PNPLA1: variants seen among roughly 807,000 people sequenced by gnomAD.
PNPLA1 encodes the protein omega-hydroxyceramide transacylase.
PNPLA1 carries 36 observed loss-of-function variants against 51.7 expected under a neutral mutation model. The ratio of observed to expected loss-of-function variants is 0.70; its 90% confidence interval spans 0.53 to 0.92. The LOEUF (loss-of-function observed/expected upper bound fraction) is 0.92. Among genes scored for constraint, PNPLA1 ranks in the 40% least tolerant of loss-of-function variants. The pLI, the probability that PNPLA1 is intolerant of heterozygous loss-of-function variation, is 0.00. For missense variants in PNPLA1, 658 were observed against 682.5 expected, an observed-to-expected ratio of 0.96 and a Z score of 0.40; for synonymous variants, 293 against 280.1, an observed-to-expected ratio of 1.05 and a Z score of -0.46.
rs1370977968 is a variant in PNPLA1, at chr6:36,312,495, C to T, written c.*609C>T. Among the ~76,000 whole-genome samples, 1 of 152,120 alleles carries T rather than the reference C, an allele frequency of 6.6e-6. No homozygotes were observed. The highest frequency in any genetic ancestry group is 1.5e-5 in the Non-Finnish European group (1 of 68,018). On this transcript the variant is annotated 3_prime_UTR_variant, in exon 9 of 9. Coordinates refer to ENST00000636260, the MANE Select transcript of PNPLA1 (RefSeq NM_001374623.1). ...CTGAGGGTTGCCCAAGGTGTATGAA[C>T]CTGTAAGGGTGATCCCCGGTGGAAC...
At chr6:36,244,170 T>A (rs1402474270) in intron 1 of PNPLA1, among the ~76,000 whole-genome samples, 1 of 152,208 alleles carries the variant, frequency 6.6e-6, no homozygotes, top group Non-Finnish European at 1.5e-5. Context: ...CTCTCTTAGA[T>A]AATTGCATTT....
At chr6:36,291,999 T>C (rs186378978) in intron 2 of PNPLA1, among the ~76,000 whole-genome samples, 6 of 152,332 alleles carry the variant, frequency 3.9e-5, no homozygotes, top group African/African-American at 1.4e-4. Flanking sequence ...AGGGATTGAA[T>C]GGTTACCAAA....
At chr6:36,248,524 ATT>A (rs201638655) in intron 1 of PNPLA1, among the ~76,000 whole-genome samples, 4 of 141,862 alleles carry the variant, frequency 2.8e-5, no homozygotes, top group Admixed American at 7.0e-5. Context: ...ATAACTTCTC[ATT>A]TTTTTTTTTT....
intron 2 of PNPLA1, among the ~76,000 whole-genome samples, chr6:36,292,282 C>T (rs996373299): frequency 2.0e-5 from 3 of 152,084 alleles, no homozygotes; most frequent in African/African-American, 4.8e-5. Flanking sequence ...TGGGCACAGA[C>T]ACCACCTCCG....
rs1771424818 is a variant in PNPLA1 at position 36,312,312 on chromosome 6, A to C, written c.*426A>C. 2 of 152,328 alleles carry C rather than the reference A, an allele frequency of 1.3e-5. No homozygotes were observed. Among genetic ancestry groups the C allele is most frequent in the Admixed American group, 1.3e-4 (2 of 15,308 alleles). 9.4% of individuals were successfully genotyped at this position (152,328 alleles called of 1,614,324 possible). A position where few individuals can be genotyped will look rare whatever the true frequency, so the allele number is the denominator to read the frequency against. On this transcript the variant is annotated 3_prime_UTR_variant, in exon 9 of 9. Transcript: ENST00000636260. Reference sequence around the variant, plus strand: ...GTATCAGTTGAACTTTCATACATGGAATGATGTTTCAAACACCCTTTTATC... The same window carrying C: ...GTATCAGTTGAACTTTCATACATGGCATGATGTTTCAAACACCCTTTTATC...
At position 36,313,574 on chromosome 6, in the gene PNPLA1, G is replaced by A. The variant is rs940945168; in HGVS notation, c.*1688G>A. Among the ~76,000 whole-genome samples, 1 of 152,326 alleles carries A rather than the reference G, an allele frequency of 6.6e-6. No individual in the cohort carries two copies. The highest frequency in any genetic ancestry group is 2.4e-5 in the African/African-American group (1 of 41,570). ...ACACAGCCATTCCAGGGAACAAAATGTACTTTTGAGACCCTGAAAATGGTC... is the reference window on the plus strand; with the variant it reads ...ACACAGCCATTCCAGGGAACAAAATATACTTTTGAGACCCTGAAAATGGTC... On this transcript the variant is annotated 3_prime_UTR_variant, in exon 9 of 9. Coordinates refer to ENST00000636260, the MANE Select transcript of PNPLA1 (RefSeq NM_001374623.1).
chr6:36,300,176 T>TGAGAGAGAGAGAGAGAGAGA (rs1246025508), intron 5 of PNPLA1, among the ~76,000 whole-genome samples: 1 of 72,000 alleles, frequency 1.4e-5, no homozygotes, highest in Non-Finnish European at 3.4e-5. Flanking sequence ...TGTGTGTGTG[T>TGAGAGAGAGAGAGAGAGAGA]GTGAGAGAGA....
chr6:36,307,653 T>C lies in PNPLA1; in HGVS notation c.1536T>C (p.Ser512=). Residue 512 remains serine, a synonymous_variant, in exon 8 of 9, where the codon AGT becomes AGC. Coordinates refer to ENST00000636260, the MANE Select transcript of PNPLA1 (RefSeq NM_001374623.1). ...TCAAGAAGAACAAGCAAAAGACAAGTGGCACCAGAAAAGGCTTCCCAAGAC... is the reference window on the plus strand; with the variant it reads ...TCAAGAAGAACAAGCAAAAGACAAGCGGCACCAGAAAAGGCTTCCCAAGAC... ...KVFKKNKQKT[S]GTRKGFPRHS... 2 of 1,613,836 alleles carry C rather than the reference T, an allele frequency of 1.2e-6. No homozygotes were observed. Among genetic ancestry groups the C allele is most frequent in the Non-Finnish European group, 1.7e-6 (2 of 1,179,960 alleles).
Position 36,270,300 on chromosome 6 carries a change from G to T in PNPLA1, c.-160G>T, listed in dbSNP as rs1466457995. ...ACAGGCTGAGGCAGCTTCCTGAGCA[G>T]CCTGTGGTTGCTCCAGCCGGGTAGA... On this transcript the variant is annotated 5_prime_UTR_variant, in exon 1 of 9. Coordinates refer to ENST00000636260, the MANE Select transcript of PNPLA1 (RefSeq NM_001374623.1). 6.6e-6 allele frequency among the ~76,000 whole-genome samples: 1 copy of T among 152,258 alleles called. No individual in the cohort carries two copies. Among genetic ancestry groups the T allele is most frequent in the Non-Finnish European group, 1.5e-5 (1 of 68,042 alleles).
At position 36,313,846 on chromosome 6, in the gene PNPLA1, G is replaced by A. The variant is rs1014344140; in HGVS notation, c.*1960G>A. Among the ~76,000 whole-genome samples, 40 of 152,180 alleles carry A rather than the reference G, an allele frequency of 2.6e-4. No individual in the cohort carries two copies. The highest frequency in any genetic ancestry group is 8.0e-4 in the African/African-American group (33 of 41,438). Reference sequence around the variant, plus strand: ...GTTCCCTGGGACCCAAGGAAGACTCGAACTTAATCATAATTATTGTTTTAA... The same window carrying A: ...GTTCCCTGGGACCCAAGGAAGACTCAAACTTAATCATAATTATTGTTTTAA... On this transcript the variant is annotated 3_prime_UTR_variant, in exon 9 of 9. Transcript: ENST00000636260.
At chr6:36,301,710 G>T in intron 5 of PNPLA1, 151 bp from the exon 6 acceptor site, 1 of 1,125,448 alleles carries the variant, frequency 8.9e-7, no homozygotes, top group South Asian at 1.5e-5. Context: ...AAACCATCAC[G>T]TTTGTTTTCA....
chr6:36,261,278 C>T (rs565118063), intron 1 of PNPLA1, among the ~76,000 whole-genome samples: 1 of 152,304 alleles, frequency 6.6e-6, no homozygotes, highest in South Asian at 2.1e-4. Context: ...ATCACTAATT[C>T]AACAGATATT....
intron 1 of PNPLA1, among the ~76,000 whole-genome samples, chr6:36,282,179 G>C (rs920730081): frequency 1.1e-5 from 1 of 93,638 alleles, no homozygotes; most frequent in African/African-American, 4.5e-5. Context: ...AAGAGACAGA[G>C]AGAAAGAAAG....
At chr6:36,256,939 T>G (rs574996717) in intron 1 of PNPLA1, among the ~76,000 whole-genome samples, 2 of 152,162 alleles carry the variant, frequency 1.3e-5, no homozygotes, top group East Asian at 3.8e-4. Context: ...TGGGGGGATA[T>G]AGGCAACTTT....
At chr6:36,301,785 A>T in intron 5 of PNPLA1, 76 bp from the exon 6 acceptor site, 1 of 1,519,884 alleles carries the variant, frequency 6.6e-7, no homozygotes, top group Non-Finnish European at 8.9e-7. Flanking sequence ...TTAGGAAAAT[A>T]ACTCAAGAAA....
intron 6 of PNPLA1, among the ~76,000 whole-genome samples, chr6:36,303,021 A>T (rs1561872151): frequency 6.6e-6 from 1 of 152,348 alleles, no homozygotes. Flanking sequence ...TTTCCACAAC[A>T]TCCCGGAGCT....
chr6:36,273,244 A>AAAT (rs1423118401), intron 1 of PNPLA1, among the ~76,000 whole-genome samples: 60 of 134,498 alleles, frequency 4.5e-4, no homozygotes, highest in African/African-American at 1.6e-3. Flanking sequence ...TGTCTCAAAT[A>AAAT]AATAAATAAT....
intron 1 of PNPLA1, among the ~76,000 whole-genome samples, chr6:36,277,367 G>C (rs1770137692): frequency 6.6e-6 from 1 of 152,230 alleles, no homozygotes; most frequent in East Asian, 1.9e-4. Context: ...GGTCACACCT[G>C]ACTGCAAGAG....
At chr6:36,279,155 C>A (rs189972788) in intron 1 of PNPLA1, among the ~76,000 whole-genome samples, 1 of 152,174 alleles carries the variant, frequency 6.6e-6, no homozygotes, top group Non-Finnish European at 1.5e-5. Context: ...TCCCTCTGGA[C>A]GGGAAACAGG....
Sources: allele counts gnomAD v4.1 joint callset (sites outside exome capture counted in the v4.1 genomes callset), GRCh38; gene constraint gnomAD v4.1.1; transcripts MANE v1.5; gene names NCBI Gene and HGNC (gene_info 2026-07-23, HGNC 2026-07-21).